The following UBE2F variants were observed in gnomAD, a reference collection of about 807,000 sequenced individuals.
The protein encoded by UBE2F is ubiquitin conjugating enzyme E2 F (putative).
A neutral mutation model predicts 29.6 loss-of-function variants in UBE2F; 5 were observed. The ratio of observed to expected loss-of-function variants is 0.17; its 90% CI spans 0.09 to 0.36. The LOEUF is 0.36. Ranked by LOEUF, UBE2F falls within the 10% of genes least tolerant of loss-of-function variation. UBE2F has a pLI of 1.00. For missense variants in UBE2F, 141 were observed against 228.5 expected (o/e 0.62, Z 2.47); for synonymous variants, 66 against 81.8 (o/e 0.81, Z 1.04).
chr2:238,018,321 T>G (rs1224607489), intron 5 of UBE2F, among the ~76,000 whole-genome samples: 1 of 152,224 alleles, frequency 6.6e-6, no homozygotes, highest in Non-Finnish European at 1.5e-5. Context: ...CCGTTCTGGA[T>G]GTCATAGCAG....
chr2:237,986,149 T>C (rs1297199044), intron 2 of UBE2F: 1 of 384,740 alleles, frequency 2.6e-6, no homozygotes, highest in Admixed American at 3.5e-5. Flanking sequence ...TTTCTTTTTT[T>C]TTTTTTTTTG....
rs552051905 is a variant in UBE2F at position 237,985,457 on chromosome 2, T to G, written c.119-2506T>G. On this transcript the variant is annotated intron_variant, in intron 2 of 9. Coordinates refer to ENST00000272930, the MANE Select transcript of UBE2F (RefSeq NM_080678.3). Reference sequence around the variant, plus strand: ...TACATATATGTAAGATCATGTAGTATTTGTCTTTGTGTGTCTGGCTTATTT... The same window carrying G: ...TACATATATGTAAGATCATGTAGTAGTTGTCTTTGTGTGTCTGGCTTATTT... Among the ~76,000 whole-genome samples, 16 of 152,302 alleles carry G rather than the reference T, an allele frequency of 1.1e-4. No homozygotes were observed. The East Asian group carries it at 2.1e-3, about 20-fold the overall frequency.
Position 237,989,159 on chromosome 2 carries a change from A to G in UBE2F, c.148+1167A>G, listed in dbSNP as rs145974250. ...GAGGATGTCTGTGGGTAATGGTGAA[A>G]TATTTTATAAGTGGGTCTGCTGGTT... is the stretch of plus-strand genomic sequence containing the variant. On this transcript the variant is annotated intron_variant, in intron 3 of 9. Coordinates refer to ENST00000272930, the MANE Select transcript of UBE2F (RefSeq NM_080678.3). Among the ~76,000 whole-genome samples the G allele has an allele frequency of 5.9e-5, 9 of 152,160 alleles. No individual in the cohort carries two copies. In the South Asian group the frequency reaches 8.3e-4, roughly 14 times the overall value.
Position 238,029,649 on chromosome 2 carries a change from T to A in UBE2F, c.354-907T>A, listed in dbSNP as rs543078615. On this transcript the variant is annotated intron_variant, in intron 6 of 9. Transcript: ENST00000272930. The stretch of plus-strand genomic sequence containing the variant: ...AAATGTCATATGCTGGGAGCTCCCA[T>A]TGTTGTTAACCTGCATCAGCAGTGT... Among the ~76,000 whole-genome samples the A allele has an allele frequency of 2.0e-5, 3 of 151,740 alleles. No homozygotes were observed. The East Asian group carries it at 5.8e-4, about 29-fold the overall frequency.
At chr2:238,038,511 G>A (rs752687725) in intron 9 of UBE2F, among the ~76,000 whole-genome samples, 4 of 152,236 alleles carry the variant, frequency 2.6e-5, no homozygotes, top group East Asian at 3.8e-4. Flanking sequence ...TGTCGTTGGC[G>A]AGGACTAGCC....
At chr2:237,970,107 G>C (rs1403979088) in intron 1 of UBE2F, among the ~76,000 whole-genome samples, 1 of 152,188 alleles carries the variant, frequency 6.6e-6, no homozygotes, top group African/African-American at 2.4e-5. Flanking sequence ...GCTCACGTCT[G>C]TAGTCCCAGC....
At chr2:237,987,382 C>G (rs1032363171) in intron 2 of UBE2F, among the ~76,000 whole-genome samples, 7 of 152,074 alleles carry the variant, frequency 4.6e-5, no homozygotes, top group African/African-American at 1.7e-4. Context: ...TCTGATTGCT[C>G]TGGTTTAGAC....
intron 4 of UBE2F, chr2:238,003,447 T>A (rs768335193): frequency 4.3e-6 from 2 of 470,118 alleles, no homozygotes; most frequent in South Asian, 3.1e-5. Context: ...AGACACCTGA[T>A]CTGTTCTCAC....
chr2:237,976,645 T>C (rs2063287226), intron 2 of UBE2F, among the ~76,000 whole-genome samples: 1 of 152,212 alleles, frequency 6.6e-6, no homozygotes, highest in African/African-American at 2.4e-5. Context: ...GCTAGTTTCC[T>C]CCTGCTCTTT....
chr2:237,979,891 G>T (rs1385988244), intron 2 of UBE2F, among the ~76,000 whole-genome samples: 1 of 152,200 alleles, frequency 6.6e-6, no homozygotes, highest in Non-Finnish European at 1.5e-5. Context: ...CTACAGCCTT[G>T]CTCCTCCAGA....
chr2:237,985,410 C>A (rs137958847), intron 2 of UBE2F, among the ~76,000 whole-genome samples: 2 of 151,958 alleles, frequency 1.3e-5, no homozygotes, highest in African/African-American at 4.8e-5. Context: ...GTTTTCTGTT[C>A]CTTCATTTTG....
chr2:238,038,502 G>C (rs1435583040), intron 9 of UBE2F, among the ~76,000 whole-genome samples: 1 of 152,250 alleles, frequency 6.6e-6, no homozygotes, highest in East Asian at 1.9e-4. Context: ...CCTGTCTGCT[G>C]TCGTTGGCGA....
intron 2 of UBE2F, among the ~76,000 whole-genome samples, chr2:237,979,527 G>A (rs2063343056): frequency 6.6e-6 from 1 of 152,234 alleles, no homozygotes; most frequent in South Asian, 2.1e-4. Flanking sequence ...ATGCCACATT[G>A]TCAGGGTAGT....
At chr2:238,010,159 T>C (rs1228764241) in intron 4 of UBE2F, among the ~76,000 whole-genome samples, 2 of 152,180 alleles carry the variant, frequency 1.3e-5, no homozygotes, top group Admixed American at 6.5e-5. Context: ...GGTAGATAGA[T>C]AGATTGAGCT....
intron 3 of UBE2F, among the ~76,000 whole-genome samples, chr2:237,993,203 G>A (rs2063624574): frequency 6.6e-6 from 1 of 151,960 alleles, no homozygotes; most frequent in Non-Finnish European, 1.5e-5. Context: ...GGCCAGGCTG[G>A]TCTCAAACTA....
At chr2:238,009,119 G>A (rs2063964417) in intron 4 of UBE2F, among the ~76,000 whole-genome samples, 1 of 152,168 alleles carries the variant, frequency 6.6e-6, no homozygotes. Context: ...TCCACTTTAT[G>A]CGATGTGCAT....
intron 6 of UBE2F, 91 bp downstream of exon 6, chr2:238,025,503 T>G (rs2064405864): frequency 8.2e-7 from 1 of 1,219,470 alleles, no homozygotes; most frequent in East Asian, 2.6e-5. Flanking sequence ...TGAAAAGATT[T>G]TGAGGCATGG....
At chr2:238,007,723 A>C (rs529446175) in intron 4 of UBE2F, among the ~76,000 whole-genome samples, 1 of 152,248 alleles carries the variant, frequency 6.6e-6, no homozygotes, top group South Asian at 2.1e-4. Flanking sequence ...TGTGAGATAA[A>C]CCATAATTCA....
intron 3 of UBE2F, among the ~76,000 whole-genome samples, chr2:237,990,059 G>A (rs540773918): frequency 2.6e-4 from 39 of 150,162 alleles, no homozygotes; most frequent in Non-Finnish European, 4.4e-4. Context: ...CGGAGGTTGC[G>A]GTGAGCTGAG....
Sources: allele counts gnomAD v4.1 joint callset (sites outside exome capture counted in the v4.1 genomes callset), GRCh38; gene constraint gnomAD v4.1.1; transcripts MANE v1.5; gene names NCBI Gene and HGNC (gene_info 2026-07-23, HGNC 2026-07-21).